ANAPC7: variants seen among roughly 807,000 people sequenced by gnomAD.
The protein encoded by ANAPC7 is anaphase promoting complex subunit 7.
In ANAPC7, 25 loss-of-function variants were observed where a neutral mutation model predicts 63.3. The ratio of observed to expected loss-of-function variants is 0.39; its 90% confidence interval spans 0.29 to 0.55. ANAPC7 has a LOEUF of 0.55. ANAPC7 is among the 20% of genes least tolerant of loss of function. The pLI is 0.57. For synonymous variants in ANAPC7, 241 were observed against 251.7 expected, an observed-to-expected ratio of 0.96 and a Z score of 0.40; for missense variants, 516 against 691.7, an observed-to-expected ratio of 0.75 and a Z score of 2.85.
intron 1 of ANAPC7, among the ~76,000 whole-genome samples, chr12:110,398,975 C>A (rs1285826363): frequency 6.6e-6 from 1 of 151,114 alleles, no homozygotes; most frequent in Non-Finnish European, 1.5e-5. Flanking sequence ...ACAAGAAAAA[C>A]AAAGTTATAG....
At chr12:110,380,913 G>A (rs1055842655) in intron 8 of ANAPC7, among the ~76,000 whole-genome samples, 7 of 151,910 alleles carry the variant, frequency 4.6e-5, no homozygotes, top group African/African-American at 1.7e-4. Context: ...ACTCCAGCCT[G>A]GGCAACAAAG....
At chr12:110,394,138 T>C (rs894539167) in intron 3 of ANAPC7, among the ~76,000 whole-genome samples, 22 of 151,496 alleles carry the variant, frequency 1.5e-4, no homozygotes, top group Non-Finnish European at 2.7e-4. Flanking sequence ...ATCGCACCAC[T>C]GCACTCCAGC....
Position 110,387,701 on chromosome 12 carries a change from G to A in ANAPC7, c.674+38C>T. 1.3e-6 allele frequency: 2 copies of A among 1,573,108 alleles called. 1 individual carries two copies. Among genetic ancestry groups the A allele is most frequent in the South Asian group, 2.3e-5 (2 of 87,586 alleles). ...TACATCAGACTTCCAGACAAGCAAA[G>A]GGCCTCAAGAACACTGAATTAACTT... is the stretch of plus-strand genomic sequence containing the variant. On this transcript the variant is annotated intron_variant, in intron 5 of 10. Transcript: ENST00000455511.
At chr12:110,400,882 A>T (rs1324437302) in intron 1 of ANAPC7, among the ~76,000 whole-genome samples, 1 of 150,524 alleles carries the variant, frequency 6.6e-6, no homozygotes, top group African/African-American at 2.5e-5. Context: ...CCCCATCTCT[A>T]TTAAAAAAAA....
At chr12:110,380,879 A>G (rs1311172072) in intron 8 of ANAPC7, among the ~76,000 whole-genome samples, 2 of 151,802 alleles carry the variant, frequency 1.3e-5, no homozygotes, top group Non-Finnish European at 2.9e-5. Context: ...TGGAGCCTGC[A>G]GTGAGCCGAG....
intron 1 of ANAPC7, among the ~76,000 whole-genome samples, chr12:110,399,422 T>G (rs966252356): frequency 6.6e-6 from 1 of 151,736 alleles, no homozygotes; most frequent in African/African-American, 2.4e-5. Flanking sequence ...GAAGACTGCT[T>G]GAGCCTAGAG....
At chr12:110,389,514 A>G (rs1025768839) in intron 3 of ANAPC7, among the ~76,000 whole-genome samples, 19 of 152,260 alleles carry the variant, frequency 1.2e-4, no homozygotes, top group African/African-American at 4.3e-4. Context: ...ATGCTACAAA[A>G]ATCAGCTACA....
intron 3 of ANAPC7, among the ~76,000 whole-genome samples, chr12:110,391,542 T>C (rs1883084233): frequency 1.3e-5 from 2 of 152,190 alleles, no homozygotes; most frequent in Admixed American, 6.5e-5. Flanking sequence ...TATAGGTTTA[T>C]GTTTGAGGCA....
intron 3 of ANAPC7, among the ~76,000 whole-genome samples, chr12:110,392,712 C>T (rs1291689078): frequency 6.6e-6 from 1 of 152,166 alleles, no homozygotes; most frequent in East Asian, 1.9e-4. Context: ...GTAAAGCTCA[C>T]AAATTGGTAA....
intron 3 of ANAPC7, among the ~76,000 whole-genome samples, chr12:110,392,888 T>C (rs1883221723): frequency 6.6e-6 from 1 of 152,124 alleles, no homozygotes; most frequent in African/African-American, 2.4e-5. Flanking sequence ...CTCTGCCTCC[T>C]GGGTTCAAGC....
Position 110,396,408 on chromosome 12 carries a change from T to G in ANAPC7, c.146A>C (p.His49Pro). ...PPQKYQLLVYHADSLFHDKEY... is the reference protein window; with the variant it reads ...PPQKYQLLVYPADSLFHDKEY... ...CTTATCATGAAAGAGAGAATCTGCA[T>G]GATACACCAAAAGCTGGTACTTCTG... Residue 49 changes from histidine (H) to proline (P), a missense_variant, in exon 2 of 11, where the codon CAT becomes CCT. Coordinates refer to ENST00000455511, the MANE Select transcript of ANAPC7 (RefSeq NM_016238.3). 6.2e-7 allele frequency: 1 copy of G among 1,613,566 alleles called. No individual in the cohort carries two copies. The highest frequency in any genetic ancestry group is 8.5e-7 in the Non-Finnish European group (1 of 1,179,898).
In ANAPC7 at chr12:110,382,456, AAAAAAATATATATATATATAT is replaced by A. The variant is rs1172204787; in HGVS notation, c.935+366_935+386del. ...ATTATCCTTTTAAAAAAAAAAAAAA[AAAAAAATATATATATATATAT>A]ATATATATATATATATATTTATAGA... On this transcript the variant is annotated intron_variant, in intron 7 of 10. Coordinates refer to ENST00000455511, the MANE Select transcript of ANAPC7 (RefSeq NM_016238.3). Among the ~76,000 whole-genome samples, 19 of 86,180 alleles carry A rather than the reference AAAAAAATATATATATATATAT, an allele frequency of 2.2e-4. 2 individuals carry two copies. The highest frequency in any genetic ancestry group is 1.9e-3 in the Admixed American group (14 of 7,326). The allele number at this position is 86,180 out of a possible 152,430, so 56.5% of individuals were successfully genotyped here. A position where few individuals can be genotyped will look rare whatever the true frequency, so the allele number is the denominator to read the frequency against.
chr12:110,387,878 A>C lies in ANAPC7; in HGVS notation c.535T>G (p.Ser179Ala). ...GATGCCACCTCTGCCCCTTTTACAG[A>C]AAGGGACAACAAGCCTAAACCAACA... ...LDAILGLLSL[S>A]VKGAEVASMT... Residue 179 changes from serine to alanine, a missense_variant, in exon 5 of 11, where the codon TCT (serine) becomes GCT (alanine). This residue lies in a region of ANAPC7 where 10 missense variants were observed against 30.1 expected (regional missense o/e 0.33). Transcript: ENST00000455511. 4 of 1,614,046 alleles carry C rather than the reference A, an allele frequency of 2.5e-6. No individual in the cohort carries two copies. Among genetic ancestry groups the C allele is most frequent in the Non-Finnish European group, 2.5e-6 (3 of 1,179,952 alleles).
chr12:110,377,063 G>A (rs1021040685), intron 9 of ANAPC7, among the ~76,000 whole-genome samples: 7 of 151,544 alleles, frequency 4.6e-5, no homozygotes, highest in Non-Finnish European at 1.0e-4. Flanking sequence ...CTTGAACCCG[G>A]GAGGCGGAGG....
chr12:110,403,121 G>A (rs1031476805), intron 1 of ANAPC7, among the ~76,000 whole-genome samples: 1 of 152,160 alleles, frequency 6.6e-6, no homozygotes, highest in East Asian at 1.9e-4. Context: ...AGATGCGGGG[G>A]CTAGCGCATA....
At chr12:110,390,354 G>A (rs1331063040) in intron 3 of ANAPC7, among the ~76,000 whole-genome samples, 11 of 152,070 alleles carry the variant, frequency 7.2e-5, no homozygotes, top group African/African-American at 2.7e-4. Flanking sequence ...GATTACAGGC[G>A]TGAGCCACCG....
chr12:110,381,251 A>G (rs1049891839), intron 8 of ANAPC7, among the ~76,000 whole-genome samples: 4 of 151,880 alleles, frequency 2.6e-5, no homozygotes, highest in Admixed American at 6.6e-5. Flanking sequence ...ATCGATGTCT[A>G]TTCCCAATTC....
At chr12:110,375,634 A>G (rs1881194492) in intron 10 of ANAPC7, 1 of 837,574 alleles carries the variant, frequency 1.2e-6, no homozygotes, top group African/African-American at 1.8e-5. Flanking sequence ...CTTGCCCAAG[A>G]TCACAGGTGG....
chr12:110,398,684 G>A (rs1259124860), intron 1 of ANAPC7, among the ~76,000 whole-genome samples: 1 of 152,194 alleles, frequency 6.6e-6, no homozygotes, highest in Non-Finnish European at 1.5e-5. Flanking sequence ...CCGGGGCATG[G>A]TGGCTCATGC....
Sources: gnomAD v4.1 joint callset for allele counts (sites outside exome capture counted in the v4.1 genomes callset) on GRCh38, gnomAD v4.1.1 for gene constraint, gnomAD v4.1.1 regional missense constraint, MANE v1.5 for transcripts, NCBI Gene and HGNC (gene_info 2026-07-23, HGNC 2026-07-21) for gene names.